The following CACNA2D2 variants were observed in gnomAD, a reference collection of about 807,000 sequenced individuals.
CACNA2D2 encodes the protein calcium voltage-gated channel auxiliary subunit alpha2delta 2.
CACNA2D2 carries 48 observed loss-of-function variants against 166.4 expected under a neutral mutation model. The ratio of observed to expected loss-of-function variants is 0.29; its 90% CI spans 0.23 to 0.37. The LOEUF (loss-of-function observed/expected upper bound fraction) is 0.37, where lower values mean the gene tolerates loss of function less well. Among genes scored for constraint, CACNA2D2 ranks in the 10% least tolerant of loss-of-function variants. CACNA2D2 has a pLI of 1.00. For missense variants in CACNA2D2, 1,122 were observed against 1,433.0 expected, an observed-to-expected ratio of 0.78 and a Z score of 3.50; for synonymous variants, 561 against 573.7, an observed-to-expected ratio of 0.98 and a Z score of 0.32.
At chr3:50,476,291 A>C in intron 1 of CACNA2D2, 92 bp from the exon 2 acceptor site, 1 of 938,540 alleles carries the variant, frequency 1.1e-6, no homozygotes, top group Non-Finnish European at 1.6e-6. Flanking sequence ...GGGGGCAACT[A>C]TCCACTCACA....
intron 3 of CACNA2D2, among the ~76,000 whole-genome samples, chr3:50,404,362 G>A (rs1389675342): frequency 6.6e-6 from 1 of 152,126 alleles, no homozygotes; most frequent in Non-Finnish European, 1.5e-5. Context: ...TTACCCATTA[G>A]CCCCACCCAG....
At chr3:50,500,230 C>T (rs1296814449) in intron 1 of CACNA2D2, among the ~76,000 whole-genome samples, 1 of 148,922 alleles carries the variant, frequency 6.7e-6, no homozygotes, top group Non-Finnish European at 1.5e-5. Flanking sequence ...GTCCAAACCC[C>T]TCAGGCCCCT....
intron 6 of CACNA2D2, 48 bp from the exon 7 acceptor site, chr3:50,381,174 T>C (rs2106671034): frequency 1.2e-6 from 2 of 1,606,274 alleles, no homozygotes; most frequent in Non-Finnish European, 8.5e-7. Context: ...GGCTGTGTCC[T>C]GTCGAACCCA....
Position 50,384,347 on chromosome 3 carries a change from G to A in CACNA2D2, c.511-10C>T. The A allele has an allele frequency of 6.2e-7, 1 of 1,613,292 alleles. No homozygotes were observed. The highest frequency in any genetic ancestry group is 8.5e-7 in the Non-Finnish European group (1 of 1,179,500). On this transcript the variant is annotated splice_polypyrimidine_tract_variant and intron_variant, in intron 5 of 37. Coordinates refer to ENST00000424201, the MANE Select transcript of CACNA2D2 (RefSeq NM_006030.4). ...CACTCTCAGGGTCGTCCTGCAGAAA[G>A]GGCACCCCCGAGCAATGTCAGGGCT...
intron 1 of CACNA2D2, among the ~76,000 whole-genome samples, chr3:50,479,459 G>C (rs190030018): frequency 6.6e-6 from 1 of 152,252 alleles, no homozygotes; most frequent in Non-Finnish European, 1.5e-5. Context: ...GTGTGTCTCA[G>C]AGTTAAAAGA....
chr3:50,454,983 T>A (rs1709286203), intron 2 of CACNA2D2, among the ~76,000 whole-genome samples: 1 of 152,034 alleles, frequency 6.6e-6, no homozygotes, highest in South Asian at 2.1e-4. Context: ...ATCCCAAAAG[T>A]CTTCCCAGCT....
intron 2 of CACNA2D2, among the ~76,000 whole-genome samples, chr3:50,475,487 G>A (rs543916172): frequency 3.3e-4 from 50 of 152,250 alleles, no homozygotes; most frequent in African/African-American, 1.1e-3. Flanking sequence ...GCATCTCCAC[G>A]TAGAGAGCAA....
intron 3 of CACNA2D2, among the ~76,000 whole-genome samples, chr3:50,398,638 G>A (rs1706276678): frequency 6.6e-6 from 1 of 152,146 alleles, no homozygotes; most frequent in Admixed American, 6.5e-5. Context: ...GCACATCCTG[G>A]GGGGTAAGGG....
intron 2 of CACNA2D2, among the ~76,000 whole-genome samples, chr3:50,471,571 A>G (rs984782923): frequency 2.0e-5 from 3 of 152,182 alleles, no homozygotes; most frequent in Admixed American, 1.3e-4. Context: ...CCTAGATGGT[A>G]ACAGAGCTCA....
chr3:50,489,928 T>TC (rs150596417), intron 1 of CACNA2D2, among the ~76,000 whole-genome samples: 11,556 of 152,114 alleles, frequency 0.076, 1,456 homozygotes, highest in African/African-American at 0.26. Context: ...ACTGTTTATC[T>TC]CCCCCATGGA....
In CACNA2D2 at chr3:50,379,255, G is replaced by C. The variant is rs1705170327; in HGVS notation, c.1153-56C>G. The C allele has an allele frequency of 6.6e-7, 1 of 1,518,338 alleles. No individual in the cohort carries two copies. The highest frequency in any genetic ancestry group is 9.1e-7 in the Non-Finnish European group (1 of 1,094,486). The allele number at this position is 1,518,338 out of a possible 1,614,324, so 94.1% of individuals were successfully genotyped here. ...CTCAGCCCTCCCTGGTCCAGGGGCA[G>C]GGCCTCCCTCCCGCAGTGGGCCTGG... is the stretch of plus-strand genomic sequence containing the variant. On this transcript the variant is annotated intron_variant, in intron 11 of 37. Coordinates refer to ENST00000424201, the MANE Select transcript of CACNA2D2 (RefSeq NM_006030.4). This position sits in a 1 kb window ranked among gnomAD's most constrained non-coding sequence, Gnocchi z 6.5.
In CACNA2D2 at chr3:50,408,422, C is replaced by T. The variant is rs532274533; in HGVS notation, c.406-14254G>A. Among the ~76,000 whole-genome samples, 7 of 152,288 alleles carry T rather than the reference C, an allele frequency of 4.6e-5. No homozygotes were observed. In the East Asian group the frequency reaches 5.8e-4, roughly 13 times the overall value. On this transcript the variant is annotated intron_variant, in intron 3 of 37. Transcript: ENST00000424201. ...ACACAAAGCCAAGCACTGGTTGGCC[C>T]GGGGATGATGCTGAGGGCCCAGGCA...
intron 3 of CACNA2D2, among the ~76,000 whole-genome samples, 158 bp from the exon 4 acceptor site, chr3:50,394,326 A>G (rs1706039193): frequency 6.6e-6 from 1 of 151,902 alleles, no homozygotes; most frequent in African/African-American, 2.4e-5. Flanking sequence ...TCTGCCCCAG[A>G]CACTCCCCAG....
chr3:50,491,244 C>A (rs533730330), intron 1 of CACNA2D2, among the ~76,000 whole-genome samples: 1 of 152,300 alleles, frequency 6.6e-6, no homozygotes, highest in African/African-American at 2.4e-5. Context: ...AGGGGGAGCA[C>A]CACTGTCAGC....
rs1709311562 is a variant in CACNA2D2 at position 50,455,451 on chromosome 3, A to G, written c.288+20667T>C. ...ATGGACTTTTATTTCTTCTCCCTCC[A>G]CGCTCCAGAGCTGCTCCTGCGGCGT... On this transcript the variant is annotated intron_variant, in intron 2 of 37. Coordinates refer to ENST00000424201, the MANE Select transcript of CACNA2D2 (RefSeq NM_006030.4). Among the ~76,000 whole-genome samples, 6 of 152,324 alleles carry G rather than the reference A, an allele frequency of 3.9e-5. No homozygotes were observed. The South Asian group carries it at 1.0e-3, about 26-fold the overall frequency.
intron 5 of CACNA2D2, among the ~76,000 whole-genome samples, chr3:50,386,768 A>T (rs1705629995): frequency 1.3e-5 from 2 of 152,226 alleles, no homozygotes. Context: ...CCAGCAGTCT[A>T]GACACTGTGC....
intron 3 of CACNA2D2, among the ~76,000 whole-genome samples, chr3:50,422,520 GC>G: frequency 6.6e-6 from 1 of 152,264 alleles, no homozygotes; most frequent in African/African-American, 2.4e-5. Flanking sequence ...TCCCTGCCAA[GC>G]CCCCTCCTGG....
chr3:50,464,475 T>C (rs1709736851), intron 2 of CACNA2D2, among the ~76,000 whole-genome samples: 1 of 152,106 alleles, frequency 6.6e-6, no homozygotes, highest in African/African-American at 2.4e-5. Flanking sequence ...TAGCAAAGCC[T>C]CAATCTGGTG....
At position 50,416,659 on chromosome 3, in the gene CACNA2D2, G is replaced by C. The variant is rs1225165581; in HGVS notation, c.405+17654C>G. On this transcript the variant is annotated intron_variant, in intron 3 of 37. Coordinates refer to ENST00000424201, the MANE Select transcript of CACNA2D2 (RefSeq NM_006030.4). Reference sequence around the variant, plus strand: ...ATGCAGTGGGGCCACGTTAGACCTAGCTGGGAAGCCAGAAGACCTGGGTCC... The same window carrying C: ...ATGCAGTGGGGCCACGTTAGACCTACCTGGGAAGCCAGAAGACCTGGGTCC... Among the ~76,000 whole-genome samples, 7 of 152,366 alleles carry C rather than the reference G, an allele frequency of 4.6e-5. No individual in the cohort carries two copies. The East Asian group carries it at 1.4e-3, about 29-fold the overall frequency.
Sources: gnomAD v4.1 joint callset for allele counts (sites outside exome capture counted in the v4.1 genomes callset) on GRCh38, gnomAD v4.1.1 for gene constraint, Gnocchi (gnomAD v3.1) non-coding constraint, MANE v1.5 for transcripts, NCBI Gene and HGNC (gene_info 2026-07-23, HGNC 2026-07-21) for gene names.